The following DGCR2 variants were observed in gnomAD, a reference collection of about 807,000 sequenced individuals.
The protein encoded by DGCR2 is integral membrane protein DGCR2/IDD.
DGCR2 carries 24 observed loss-of-function variants against 51.6 expected under a neutral mutation model. The ratio of observed to expected loss-of-function variants is 0.47; its 90% CI spans 0.34 to 0.65. DGCR2 has a LOEUF of 0.65. DGCR2 is among the 30% of genes least tolerant of loss of function. DGCR2 has a pLI of 0.01. For synonymous variants in DGCR2, 340 were observed against 315.4 expected (o/e 1.08, Z -0.82); for missense variants, 765 against 772.1 (o/e 0.99, Z 0.11).
chr22:19,077,619 T>C (rs1181376883), intron 2 of DGCR2, among the ~76,000 whole-genome samples: 1 of 152,232 alleles, frequency 6.6e-6, no homozygotes, highest in South Asian at 2.1e-4. Context: ...TCAGGAATTA[T>C]GAGGATTTCA....
intron 2 of DGCR2, among the ~76,000 whole-genome samples, chr22:19,086,444 A>G (rs928743090): frequency 1.3e-5 from 2 of 152,028 alleles, no homozygotes; most frequent in Non-Finnish European, 2.9e-5. Context: ...GCGCCACTGC[A>G]CTCCAGCCTG....
intron 2 of DGCR2, among the ~76,000 whole-genome samples, chr22:19,068,717 C>A (rs1328874669): frequency 6.6e-6 from 1 of 152,264 alleles, no homozygotes; most frequent in East Asian, 1.9e-4. Context: ...CCCCTGCCTG[C>A]TGGTCCCCCA....
At chr22:19,085,220 CTA>C in intron 2 of DGCR2, among the ~76,000 whole-genome samples, 1 of 152,138 alleles carries the variant, frequency 6.6e-6, no homozygotes, top group East Asian at 1.9e-4. Context: ...ACTGGCAAGG[CTA>C]TATAGTGTGA....
At chr22:19,061,160 C>G (rs1569050607) in intron 5 of DGCR2, 1 of 231,998 alleles carries the variant, frequency 4.3e-6, no homozygotes, top group Non-Finnish European at 8.7e-6. Context: ...GGGCCAACAC[C>G]TCAGACCCCA....
At chr22:19,059,217 C>A (rs531818271) in intron 5 of DGCR2, among the ~76,000 whole-genome samples, 2 of 152,072 alleles carry the variant, frequency 1.3e-5, no homozygotes, top group Non-Finnish European at 2.9e-5. Flanking sequence ...GTGAAAAGGA[C>A]CCCCAGCAGC....
chr22:19,056,519 T>C, intron 6 of DGCR2: 2 of 456,494 alleles, frequency 4.4e-6, no homozygotes, highest in Non-Finnish European at 4.0e-6. Flanking sequence ...CTGAGACCCC[T>C]GTCCCCCAAA....
chr22:19,112,014 TA>T (rs2083320894), intron 1 of DGCR2, among the ~76,000 whole-genome samples: 1 of 152,190 alleles, frequency 6.6e-6, no homozygotes, highest in Non-Finnish European at 1.5e-5. Context: ...GGCTCATGCC[TA>T]TAATCCCAGC....
Position 19,117,671 on chromosome 22 carries a change from G to T in DGCR2, c.79+4457C>A, listed in dbSNP as rs115198383. Among the ~76,000 whole-genome samples the T allele has an allele frequency of 7.7e-3, 1,169 of 152,294 alleles. 19 individuals carry two copies. The highest frequency in any genetic ancestry group is 0.026 in the African/African-American group (1,090 of 41,552). Reference sequence around the variant, plus strand: ...AGGCAAATAAGGTAAAATGCCAACAGTAGGGAAGCCTCAGCAAAGGATATG... The same window carrying T: ...AGGCAAATAAGGTAAAATGCCAACATTAGGGAAGCCTCAGCAAAGGATATG... On this transcript the variant is annotated intron_variant, in intron 1 of 9. Coordinates refer to ENST00000263196, the MANE Select transcript of DGCR2 (RefSeq NM_005137.3).
chr22:19,049,347 A>G (rs553070485), intron 6 of DGCR2, among the ~76,000 whole-genome samples: 59 of 152,254 alleles, frequency 3.9e-4, no homozygotes, highest in African/African-American at 7.2e-4. Context: ...AGAGTCTTCA[A>G]CTGGTAGGCA....
intron 1 of DGCR2, among the ~76,000 whole-genome samples, chr22:19,105,286 T>G (rs1259483270): frequency 6.6e-6 from 1 of 152,028 alleles, no homozygotes; most frequent in Non-Finnish European, 1.5e-5. Flanking sequence ...ATCATACAAC[T>G]GCACTCCAGC....
At chr22:19,062,784 C>CATTCATTT (rs201271246) in intron 5 of DGCR2, among the ~76,000 whole-genome samples, 4 of 140,454 alleles carry the variant, frequency 2.8e-5, no homozygotes, top group Non-Finnish European at 6.3e-5. Context: ...TGCTCACTCT[C>CATTCATTT]TCTCTCTCTC....
chr22:19,095,324 T>C (rs1171280434), intron 1 of DGCR2, among the ~76,000 whole-genome samples: 1 of 152,112 alleles, frequency 6.6e-6, no homozygotes, highest in Non-Finnish European at 1.5e-5. Flanking sequence ...ATCACGCCAC[T>C]GCTCTTCAGC....
intron 2 of DGCR2, among the ~76,000 whole-genome samples, chr22:19,087,713 CT>C (rs1301023276): frequency 7.3e-6 from 1 of 137,502 alleles, no homozygotes; most frequent in Non-Finnish European, 1.5e-5. Context: ...GAGACAGAGT[CT>C]TGTTCTGCAG....
intron 2 of DGCR2, among the ~76,000 whole-genome samples, chr22:19,084,431 C>A (rs1429458802): frequency 2.7e-5 from 4 of 147,468 alleles, no homozygotes; most frequent in African/African-American, 5.1e-5. Flanking sequence ...AAGTGAGGAG[C>A]CCCTCCGCCC....
At position 19,048,508 on chromosome 22, in the gene DGCR2, C is replaced by T. The variant is rs555346462; in HGVS notation, c.938G>A (p.Arg313Lys). The T allele has an allele frequency of 6.2e-7, 1 of 1,614,192 alleles. No individual in the cohort carries two copies. Among genetic ancestry groups the T allele is most frequent in the South Asian group, 1.1e-5 (1 of 91,082 alleles). ...GCGGTACTGTTGGCAGCCCTGGGGCCTCTCACAGAGAGCAGCCACACACAT... is the reference window on the plus strand; with the variant it reads ...GCGGTACTGTTGGCAGCCCTGGGGCTTCTCACAGAGAGCAGCCACACACAT... Reference protein sequence around the residue: ...PEMCVAALCERPQGCQQYRKD... With the variant: ...PEMCVAALCEKPQGCQQYRKD... Residue 313 changes from arginine to lysine, a missense_variant, in exon 7 of 10, where the codon AGG (arginine) becomes AAG (lysine). Transcript: ENST00000263196.
chr22:19,117,214 G>T (rs2083382743), intron 1 of DGCR2, among the ~76,000 whole-genome samples: 1 of 152,236 alleles, frequency 6.6e-6, no homozygotes, highest in East Asian at 1.9e-4. Flanking sequence ...CAGTACTCTG[G>T]GAAGTGGGAA....
intron 1 of DGCR2, among the ~76,000 whole-genome samples, chr22:19,108,550 G>A (rs2083282085): frequency 7.8e-6 from 1 of 127,800 alleles, no homozygotes; most frequent in Non-Finnish European, 1.6e-5. Flanking sequence ...ACTCCAGCCT[G>A]GGCAACAGAG....
chr22:19,111,616 G>T (rs2146050917), intron 1 of DGCR2, among the ~76,000 whole-genome samples: 1 of 152,254 alleles, frequency 6.6e-6, no homozygotes, highest in East Asian at 1.9e-4. Flanking sequence ...GGTAAAGGGT[G>T]TGTAGAACTA....
chr22:19,045,046 G>A (rs902473537), intron 7 of DGCR2, among the ~76,000 whole-genome samples: 1 of 152,122 alleles, frequency 6.6e-6, no homozygotes, highest in Non-Finnish European at 1.5e-5. Flanking sequence ...TGGTCACAAA[G>A]ATTTCTCTCC....
Sources: gnomAD v4.1 joint callset for allele counts (sites outside exome capture counted in the v4.1 genomes callset) on GRCh38, gnomAD v4.1.1 for gene constraint, MANE v1.5 for transcripts, NCBI Gene and HGNC (gene_info 2026-07-23, HGNC 2026-07-21) for gene names.